Variants in MTUS2 observed in about 807,000 individuals in gnomAD.
MTUS2 encodes microtubule associated scaffold protein 2.
MTUS2 carries 40 observed loss-of-function variants against 114.1 expected under a neutral mutation model. That is an observed-to-expected ratio of 0.35 (90% CI 0.27 to 0.46). The LOEUF is 0.46. MTUS2 is among the 20% of genes least tolerant of loss of function. The pLI is 1.00. For missense variants in MTUS2, 1,679 were observed against 1,705.4 expected (o/e 0.98, Z 0.27); for synonymous variants, 688 against 672.0 (o/e 1.02, Z -0.37).
intron 2 of MTUS2, among the ~76,000 whole-genome samples, chr13:28,906,170 G>A (rs1250257764): frequency 2.6e-5 from 4 of 151,100 alleles, no homozygotes; most frequent in Admixed American, 6.6e-5. Flanking sequence ...TCTTGCTAGC[G>A]GTCTATCAAT....
chr13:29,077,478 G>A (rs1239900948), intron 4 of MTUS2, among the ~76,000 whole-genome samples: 2 of 152,058 alleles, frequency 1.3e-5, no homozygotes, highest in Non-Finnish European at 2.9e-5. Flanking sequence ...AAATTATAAG[G>A]AAAACATGGC....
chr13:28,888,854 C>T (rs555364562), intron 2 of MTUS2, among the ~76,000 whole-genome samples: 1 of 152,264 alleles, frequency 6.6e-6, no homozygotes, highest in South Asian at 2.1e-4. Context: ...TTGCAAGCAA[C>T]CTTTGGGTTG....
intron 5 of MTUS2, among the ~76,000 whole-genome samples, chr13:29,201,398 G>A (rs577774503): frequency 6.6e-6 from 1 of 150,910 alleles, no homozygotes; most frequent in Non-Finnish European, 1.5e-5. Flanking sequence ...TTGAGCCTGT[G>A]TGTGTCTTTG....
chr13:29,048,861 G>A (rs558195349), intron 4 of MTUS2, among the ~76,000 whole-genome samples: 1 of 152,026 alleles, frequency 6.6e-6, no homozygotes, highest in Admixed American at 6.6e-5. Flanking sequence ...AGCATTCCAC[G>A]TGCCTCAGCC....
intron 2 of MTUS2, among the ~76,000 whole-genome samples, chr13:28,885,670 G>A (rs1878550267): frequency 6.6e-6 from 1 of 152,150 alleles, no homozygotes; most frequent in African/African-American, 2.4e-5. Flanking sequence ...TACAACACAT[G>A]CTTGTATGGA....
intron 2 of MTUS2, among the ~76,000 whole-genome samples, chr13:29,017,145 A>G (rs1331206854): frequency 2.0e-5 from 3 of 152,232 alleles, no homozygotes; most frequent in African/African-American, 7.2e-5. Context: ...AAATGTGGCA[A>G]AACACTATAG....
At chr13:28,907,957 C>T (rs543004716) in intron 2 of MTUS2, among the ~76,000 whole-genome samples, 4 of 151,276 alleles carry the variant, frequency 2.6e-5, no homozygotes, top group African/African-American at 4.9e-5. Context: ...CCCTGTGGGC[C>T]GTCTGTTATT....
At chr13:29,148,692 A>T (rs1892544188) in intron 5 of MTUS2, among the ~76,000 whole-genome samples, 1 of 69,462 alleles carries the variant, frequency 1.4e-5, no homozygotes, top group Non-Finnish European at 4.2e-5. Flanking sequence ...TTTAGCCGGG[A>T]TGGTCTCGAT....
chr13:28,868,220 G>C (rs1271020550), intron 2 of MTUS2, among the ~76,000 whole-genome samples: 2 of 152,152 alleles, frequency 1.3e-5, no homozygotes, highest in Non-Finnish European at 2.9e-5. Context: ...TCGTGATATA[G>C]TAATTCATAA....
intron 6 of MTUS2, among the ~76,000 whole-genome samples, chr13:29,318,881 T>C (rs546669335): frequency 3.9e-5 from 6 of 152,314 alleles, no homozygotes; most frequent in African/African-American, 1.4e-4. Context: ...TCTAGGACCA[T>C]CTGGGTTTGT....
At chr13:29,269,460 A>G (rs975967410) in intron 5 of MTUS2, among the ~76,000 whole-genome samples, 6 of 152,244 alleles carry the variant, frequency 3.9e-5, no homozygotes, top group Admixed American at 6.5e-5. Flanking sequence ...AAATGATACG[A>G]AGCCAGAGTT....
chr13:28,964,993 T>C (rs1051614487), intron 2 of MTUS2, among the ~76,000 whole-genome samples: 18 of 152,056 alleles, frequency 1.2e-4, no homozygotes, highest in African/African-American at 4.3e-4. Flanking sequence ...TTGCTCCCTT[T>C]AGCTGATGAG....
intron 2 of MTUS2, among the ~76,000 whole-genome samples, chr13:29,001,033 C>T (rs2138381939): frequency 6.6e-6 from 1 of 152,268 alleles, no homozygotes; most frequent in East Asian, 1.9e-4. Flanking sequence ...AGGGAGGGTG[C>T]CAGCCCTTGC....
At chr13:29,441,800 C>T (rs1251050348) in intron 9 of MTUS2, among the ~76,000 whole-genome samples, 3 of 152,218 alleles carry the variant, frequency 2.0e-5, no homozygotes, top group African/African-American at 4.8e-5. Flanking sequence ...CACATGCACA[C>T]ATGGGAGCCA....
intron 4 of MTUS2, among the ~76,000 whole-genome samples, chr13:29,039,213 T>C (rs1360622142): frequency 9.2e-5 from 14 of 152,138 alleles, no homozygotes; most frequent in Non-Finnish European, 1.6e-4. Flanking sequence ...GGCAGCACCC[T>C]GGCCCGGGGC....
At chr13:29,129,681 A>T (rs750026398) in intron 5 of MTUS2, among the ~76,000 whole-genome samples, 2 of 152,132 alleles carry the variant, frequency 1.3e-5, no homozygotes, top group African/African-American at 2.4e-5. Context: ...ATTTTAGGTG[A>T]TGATACGTGA....
chr13:29,144,518 T>C (rs9506112), intron 5 of MTUS2, among the ~76,000 whole-genome samples: 1 of 152,002 alleles, frequency 6.6e-6, no homozygotes, highest in Non-Finnish European at 1.5e-5. Flanking sequence ...AATGAGCCAC[T>C]GTGGCCAGCT....
intron 5 of MTUS2, among the ~76,000 whole-genome samples, chr13:29,152,866 A>G (rs552766930): frequency 3.3e-5 from 5 of 152,350 alleles, no homozygotes; most frequent in East Asian, 3.9e-4. Context: ...ACATAAGGAC[A>G]TGTCTATCAG....
At chr13:29,389,332 T>C (rs1357691392) in intron 8 of MTUS2, among the ~76,000 whole-genome samples, 1 of 48,006 alleles carries the variant, frequency 2.1e-5, no homozygotes, top group African/African-American at 4.4e-5. Flanking sequence ...TATGTGTGTA[T>C]ATATGTATGC....
Sources: gnomAD v4.1 joint callset for allele counts (sites outside exome capture counted in the v4.1 genomes callset) on GRCh38, gnomAD v4.1.1 for gene constraint, MANE v1.5 for transcripts, NCBI Gene and HGNC (gene_info 2026-07-23, HGNC 2026-07-21) for gene names.